LCMT1: variants seen among roughly 807,000 people sequenced by gnomAD.
LCMT1 encodes the protein leucine carboxyl methyltransferase 1.
Under a neutral mutation model 47.7 loss-of-function variants are expected in LCMT1, and 32 were observed. That is an observed-to-expected ratio of 0.67 (90% confidence interval 0.51 to 0.90). LCMT1 has a LOEUF of 0.90. LCMT1 is among the 40% of genes least tolerant of loss of function. LCMT1 has a pLI of 0.00. For synonymous variants in LCMT1, 152 were observed against 149.7 expected, an observed-to-expected ratio of 1.02 and a Z score of -0.11; for missense variants, 375 against 415.2, an observed-to-expected ratio of 0.90 and a Z score of 0.84.
intron 6 of LCMT1, among the ~76,000 whole-genome samples, chr16:25,163,713 A>G (rs1430969273): frequency 6.6e-6 from 1 of 152,186 alleles, no homozygotes; most frequent in Non-Finnish European, 1.5e-5. Flanking sequence ...CTGATAGGCC[A>G]CTTGAATCTG....
At position 25,132,640 on chromosome 16, in the gene LCMT1, C is replaced by T. The variant is rs995743759; in HGVS notation, c.327+117C>T. ...TTATGCAGCGAAAGCCTGTCTCCCACCCCTGTCCCATCTGCCTAGATGCCC... is the reference window on the plus strand; with the variant it reads ...TTATGCAGCGAAAGCCTGTCTCCCATCCCTGTCCCATCTGCCTAGATGCCC... On this transcript the variant is annotated intron_variant, in intron 3 of 10. Coordinates refer to ENST00000399069, the MANE Select transcript of LCMT1 (RefSeq NM_016309.3). The T allele has an allele frequency of 4.5e-6, 5 of 1,123,390 alleles. No homozygotes were observed. In the South Asian group the frequency reaches 7.8e-5, roughly 17 times the overall value. 69.6% of individuals were successfully genotyped at this position (1,123,390 alleles called of 1,614,324 possible). A position where few individuals can be genotyped will look rare whatever the true frequency, so the allele number is the denominator to read the frequency against.
chr16:25,178,148 T>G lies in LCMT1; in HGVS notation c.*125T>G. 1 of 808,360 alleles carries G rather than the reference T, an allele frequency of 1.2e-6. No homozygotes were observed. Among genetic ancestry groups the G allele is most frequent in the South Asian group, 1.5e-5 (1 of 65,270 alleles). 50.1% of individuals were successfully genotyped at this position (808,360 alleles called of 1,614,324 possible). A position where few individuals can be genotyped will look rare whatever the true frequency, so the allele number is the denominator to read the frequency against. On this transcript the variant is annotated 3_prime_UTR_variant, in exon 11 of 11. Coordinates refer to ENST00000399069, the MANE Select transcript of LCMT1 (RefSeq NM_016309.3). ...CTCATCCCACACTCTTGAGAAGCCT[T>G]GGTCACTACAGTGGTCGCACATGTT...
chr16:25,170,042 A>G (rs1415455413), intron 8 of LCMT1, among the ~76,000 whole-genome samples: 1 of 152,046 alleles, frequency 6.6e-6, no homozygotes, highest in Non-Finnish European at 1.5e-5. Flanking sequence ...CAACATGGTG[A>G]AACCCCATCT....
At chr16:25,177,870 A>G in intron 10 of LCMT1, 131 bp from the exon 11 acceptor site, 1 of 759,082 alleles carries the variant, frequency 1.3e-6, no homozygotes, top group Admixed American at 2.3e-5. Context: ...CATTTTATGT[A>G]GCAGGAGGGC....
chr16:25,151,496 A>G (rs1246175561), intron 4 of LCMT1, 58 bp from the exon 5 acceptor site: 2 of 1,374,930 alleles, frequency 1.5e-6, no homozygotes, highest in Non-Finnish European at 2.1e-6. Flanking sequence ...AAATGAGCTC[A>G]TGAGTAAATT....
At chr16:25,167,676 C>A (rs1390444044) in intron 7 of LCMT1, among the ~76,000 whole-genome samples, 1 of 152,186 alleles carries the variant, frequency 6.6e-6, no homozygotes, top group Non-Finnish European at 1.5e-5. Context: ...AATAATAATT[C>A]TAAAGCAGTG....
At chr16:25,127,182 C>G (rs1337531802) in intron 1 of LCMT1, among the ~76,000 whole-genome samples, 2 of 152,132 alleles carry the variant, frequency 1.3e-5, no homozygotes, top group Non-Finnish European at 2.9e-5. Flanking sequence ...TGTCTTAATC[C>G]TTACTATATG....
rs562926218 is a variant in LCMT1, at chr16:25,160,169, G to A, written c.467-933G>A. ...TTACCATGTTGGCCAGGATGGTCTC[G>A]ATCTCCTGACCTTGTGATCCACCCA... On this transcript the variant is annotated intron_variant, in intron 5 of 10. Transcript: ENST00000399069. 6.6e-5 allele frequency among the ~76,000 whole-genome samples: 10 copies of A among 152,166 alleles called. No individual in the cohort carries two copies. In the South Asian group the frequency reaches 1.0e-3, roughly 16 times the overall value.
At chr16:25,117,774 C>T (rs556538870) in intron 1 of LCMT1, among the ~76,000 whole-genome samples, 1 of 151,594 alleles carries the variant, frequency 6.6e-6, no homozygotes, top group Non-Finnish European at 1.5e-5. Context: ...ATCGCTTGAA[C>T]TGGGGAAGTA....
intron 1 of LCMT1, among the ~76,000 whole-genome samples, chr16:25,125,706 C>T (rs1297194311): frequency 6.6e-6 from 1 of 151,892 alleles, no homozygotes; most frequent in Non-Finnish European, 1.5e-5. Context: ...GTGGCGGGTG[C>T]CTGTAATCCC....
chr16:25,133,197 A>C (rs1960404028), intron 3 of LCMT1, among the ~76,000 whole-genome samples: 1 of 152,070 alleles, frequency 6.6e-6, no homozygotes, highest in South Asian at 2.1e-4. Context: ...AGATTTTGTC[A>C]GGATAATGGC....
At chr16:25,134,210 C>T (rs1479985626) in intron 3 of LCMT1, among the ~76,000 whole-genome samples, 1 of 152,088 alleles carries the variant, frequency 6.6e-6, no homozygotes, top group Non-Finnish European at 1.5e-5. Context: ...CTAATCAGTT[C>T]ACCTGATATG....
At chr16:25,152,958 A>G (rs1961126290) in intron 5 of LCMT1, among the ~76,000 whole-genome samples, 1 of 152,116 alleles carries the variant, frequency 6.6e-6, no homozygotes, top group African/African-American at 2.4e-5. Flanking sequence ...AAAGGGGTTT[A>G]TTAGTAATTC....
intron 9 of LCMT1, 105 bp downstream of exon 9, chr16:25,170,910 C>T: frequency 1.3e-6 from 1 of 760,716 alleles, no homozygotes; most frequent in Non-Finnish European, 2.1e-6. Flanking sequence ...GTGGAGATTT[C>T]ATTAAAAAAC....
chr16:25,140,329 A>G (rs1960646533), intron 4 of LCMT1, 82 bp downstream of exon 4: 2 of 1,086,714 alleles, frequency 1.8e-6, no homozygotes, highest in Non-Finnish European at 2.8e-6. Context: ...TGAATGCCAG[A>G]GACTTCACTT....
intron 2 of LCMT1, among the ~76,000 whole-genome samples, chr16:25,130,379 C>T (rs73563422): frequency 0.01 from 1,497 of 148,822 alleles, 26 homozygotes; most frequent in African/African-American, 0.035. Context: ...GGGTTGGGTG[C>T]GGTGGCTCAC....
intron 5 of LCMT1, among the ~76,000 whole-genome samples, chr16:25,157,164 G>A (rs1210722511): frequency 6.6e-6 from 1 of 152,018 alleles, no homozygotes; most frequent in Non-Finnish European, 1.5e-5. Context: ...GTGTGTGTGT[G>A]TGTGTGTATG....
chr16:25,128,398 C>A, intron 1 of LCMT1, 77 bp from the exon 2 acceptor site: 1 of 1,052,728 alleles, frequency 9.5e-7, no homozygotes, highest in Non-Finnish European at 1.4e-6. Flanking sequence ...TGATCTGGTT[C>A]CTGGGAACTT....
intron 5 of LCMT1, chr16:25,160,674 G>A (rs1023303324): frequency 2.1e-6 from 1 of 474,728 alleles, no homozygotes; most frequent in African/African-American, 1.9e-5. Flanking sequence ...TCATAGTGAG[G>A]GATTGGCTAA....
Sources: allele counts gnomAD v4.1 joint callset (sites outside exome capture counted in the v4.1 genomes callset), GRCh38; gene constraint gnomAD v4.1.1; transcripts MANE v1.5; gene names NCBI Gene and HGNC (gene_info 2026-07-23, HGNC 2026-07-21).